Variants in FERRY3 observed in about 807,000 individuals in gnomAD.
FERRY3 encodes the protein protein C12orf4.
the FERRY3 span, chr12:4,490,544 G>A: frequency 1.2e-6 from 2 of 1,609,132 alleles, no homozygotes; most frequent in Non-Finnish European, 1.7e-6. Flanking sequence ...AAATTGCACT[G>A]TCCTAGAAAT....
At chr12:4,496,412 A>G in the FERRY3 span, among the ~76,000 whole-genome samples, 2 of 152,208 alleles carry the variant, frequency 1.3e-5, no homozygotes, top group Non-Finnish European at 2.9e-5. Context: ...CAGTACAGAA[A>G]GTTTTTGATC....
the FERRY3 span, chr12:4,536,181 C>G: frequency 6.3e-7 from 1 of 1,586,256 alleles, no homozygotes; most frequent in Non-Finnish European, 8.6e-7. Context: ...GAATCTTTCT[C>G]TGTTTTTCTT....
the FERRY3 span, among the ~76,000 whole-genome samples, chr12:4,502,873 T>C: frequency 6.6e-6 from 1 of 152,160 alleles, no homozygotes; most frequent in Non-Finnish European, 1.5e-5. This position sits in a 1 kb window ranked among gnomAD's most constrained non-coding sequence, Gnocchi z 4.2. Context: ...GCAACAGATA[T>C]ATCACAATAA....
At chr12:4,509,556 C>T in the FERRY3 span, among the ~76,000 whole-genome samples, 78 of 148,990 alleles carry the variant, frequency 5.2e-4, 1 homozygote, top group African/African-American at 1.4e-3. Flanking sequence ...GATCTGAGAA[C>T]GGGCAGACTG....
the FERRY3 span, chr12:4,488,667 T>G: frequency 2.0e-5 from 3 of 152,196 alleles, no homozygotes; most frequent in African/African-American, 7.2e-5. The surrounding 1 kb of genome is among the most constrained non-coding windows in gnomAD (Gnocchi z 4.9). Context: ...GGCATATTAA[T>G]GAAGGGCGTT....
the FERRY3 span, chr12:4,517,956 G>A: frequency 1.0e-6 from 1 of 975,186 alleles, no homozygotes; most frequent in South Asian, 1.6e-5. Flanking sequence ...GGATGTCAAG[G>A]TGATTAAAAT....
chr12:4,536,545 A>G, the FERRY3 span, among the ~76,000 whole-genome samples: 1 of 152,190 alleles, frequency 6.6e-6, no homozygotes, highest in Non-Finnish European at 1.5e-5. Context: ...GGGAGAGTTC[A>G]TGGGTGGGGA....
the FERRY3 span, among the ~76,000 whole-genome samples, chr12:4,515,683 G>A: frequency 6.6e-6 from 1 of 152,096 alleles, no homozygotes; most frequent in African/African-American, 2.4e-5. Flanking sequence ...TGGTCAAGGG[G>A]TACAAAGTTT....
At chr12:4,494,515 T>G in the FERRY3 span, among the ~76,000 whole-genome samples, 1 of 152,258 alleles carries the variant, frequency 6.6e-6, no homozygotes, top group African/African-American at 2.4e-5. Flanking sequence ...ATATATGATA[T>G]AATGTAAGGG....
the FERRY3 span, among the ~76,000 whole-genome samples, chr12:4,522,223 TAA>T: frequency 6.6e-6 from 1 of 152,182 alleles, no homozygotes; most frequent in Admixed American, 6.5e-5. Flanking sequence ...TTTGAAGAAA[TAA>T]AGTCTTTAAC....
At chr12:4,534,119 A>T in the FERRY3 span, 3 of 1,520,558 alleles carry the variant, frequency 2.0e-6, no homozygotes, top group East Asian at 4.7e-5. Context: ...CAAAATCCAG[A>T]ATATCCTTGA....
the FERRY3 span, among the ~76,000 whole-genome samples, chr12:4,513,271 G>A: frequency 6.8e-6 from 1 of 148,142 alleles, no homozygotes; most frequent in Non-Finnish European, 1.5e-5. Flanking sequence ...AACATTCCAT[G>A]CTCATGGGTA....
At chr12:4,489,844 C>G in the FERRY3 span, 1 of 1,610,958 alleles carries the variant, frequency 6.2e-7, no homozygotes, top group Non-Finnish European at 8.5e-7. Context: ...TGATGATACT[C>G]GGAAGATCTG....
the FERRY3 span, among the ~76,000 whole-genome samples, chr12:4,498,094 C>T: frequency 6.6e-6 from 1 of 152,328 alleles, no homozygotes; most frequent in South Asian, 2.1e-4. Flanking sequence ...TAATGTTCTG[C>T]AGCTGGCCTT....
chr12:4,504,895 G>C, the FERRY3 span, among the ~76,000 whole-genome samples: 2 of 152,164 alleles, frequency 1.3e-5, no homozygotes, highest in Non-Finnish European at 2.9e-5. Flanking sequence ...TTGAGGTCAG[G>C]AGTTCAAGAC....
chr12:4,534,352 A>G, the FERRY3 span: 1 of 1,517,686 alleles, frequency 6.6e-7, no homozygotes, highest in Non-Finnish European at 8.8e-7. Context: ...AGGTATAAAT[A>G]GGGAACATTT....
chr12:4,522,067 T>TA, the FERRY3 span, among the ~76,000 whole-genome samples: 1 of 152,218 alleles, frequency 6.6e-6, no homozygotes, highest in Non-Finnish European at 1.5e-5. Context: ...GGACTTTGAA[T>TA]GATTATGATG....
At chr12:4,499,906 G>C in the FERRY3 span, among the ~76,000 whole-genome samples, 1 of 152,160 alleles carries the variant, frequency 6.6e-6, no homozygotes, top group African/African-American at 2.4e-5. Context: ...AGTATTATTT[G>C]GATTTTCTAG....
chr12:4,524,669 C>A, the FERRY3 span, among the ~76,000 whole-genome samples: 1 of 152,132 alleles, frequency 6.6e-6, no homozygotes, highest in Non-Finnish European at 1.5e-5. Flanking sequence ...AATATTAATT[C>A]TCAAACATAA....
Sources: allele counts gnomAD v4.1 joint callset (sites outside exome capture counted in the v4.1 genomes callset), GRCh38; gene constraint gnomAD v4.1.1; non-coding constraint Gnocchi (gnomAD v3.1); transcripts MANE v1.5; gene names NCBI Gene and HGNC (gene_info 2026-07-23, HGNC 2026-07-21).